ADRA1D: variants seen among roughly 807,000 people sequenced by gnomAD.
The protein encoded by ADRA1D is adrenoceptor alpha 1D.
ADRA1D carries 22 observed loss-of-function variants against 18.6 expected under a neutral mutation model. That is an observed-to-expected ratio of 1.19 (90% CI 0.85 to 1.69). The LOEUF is 1.69. Among genes scored for constraint, ADRA1D ranks in the 40% most tolerant of loss-of-function variants. ADRA1D has a pLI of 0.00. For missense variants in ADRA1D, 840 were observed against 840.7 expected, an observed-to-expected ratio of 1.00 and a Z score of 0.01; for synonymous variants, 376 against 388.2, an observed-to-expected ratio of 0.97 and a Z score of 0.37.
chr20:4,220,810 T>C lies in ADRA1D; in HGVS notation c.*713A>G, dbSNP rs1281749848. On this transcript the variant is annotated 3_prime_UTR_variant, in exon 2 of 2. Transcript: ENST00000379453. ...AAAATGACAAATAAAGCTCTCCAATTGGTGGCTTGGAATCCCAGCAAGAAG... is the reference window on the plus strand; with the variant it reads ...AAAATGACAAATAAAGCTCTCCAATCGGTGGCTTGGAATCCCAGCAAGAAG... 6.6e-6 allele frequency: 1 copy of C among 152,596 alleles called. No individual in the cohort carries two copies. Among genetic ancestry groups the C allele is most frequent in the Non-Finnish European group, 1.5e-5 (1 of 68,056 alleles). 9.5% of individuals were successfully genotyped at this position (152,596 alleles called of 1,614,324 possible).
intron 1 of ADRA1D, among the ~76,000 whole-genome samples, chr20:4,228,643 C>G (rs930328636): frequency 6.6e-6 from 1 of 152,236 alleles, no homozygotes; most frequent in Non-Finnish European, 1.5e-5. Flanking sequence ...CAGCCTGCCC[C>G]TTCTTCTCCA....
At chr20:4,224,696 G>C (rs1199897237) in intron 1 of ADRA1D, among the ~76,000 whole-genome samples, 1 of 138,790 alleles carries the variant, frequency 7.2e-6, no homozygotes, top group African/African-American at 2.7e-5. Context: ...GTGCCTGTGA[G>C]ACCAAGCAGG....
At chr20:4,230,854 T>A (rs1357224967) in intron 1 of ADRA1D, among the ~76,000 whole-genome samples, 2 of 152,162 alleles carry the variant, frequency 1.3e-5, no homozygotes, top group African/African-American at 4.8e-5. Context: ...CCTCCCCCAG[T>A]CCCTGCAGCC....
Position 4,248,717 on chromosome 20 carries a change from C to A in ADRA1D, c.241G>T (p.Val81Leu), listed in dbSNP as rs752437599. ...EPGSAGAGGDVNGTAAVGGLV... is the reference protein window; with the variant it reads ...EPGSAGAGGDLNGTAAVGGLV... ...CCCCCGACGGCCGCCGTGCCATTCA[C>A]GTCGCCGCCCGCGCCCGCGCTCCCC... Residue 81 changes from valine to leucine, a missense_variant, in exon 1 of 2, where the codon GTG becomes TTG. Val to Leu is a conservative substitution (Grantham distance 32). Transcript: ENST00000379453. The A allele has an allele frequency of 6.4e-7, 1 of 1,556,074 alleles. No homozygotes were observed. The highest frequency in any genetic ancestry group is 8.7e-7 in the Non-Finnish European group (1 of 1,150,784).
Position 4,248,691 on chromosome 20 carries a change from T to G in ADRA1D, c.267A>C (p.Gly89=). The G allele has an allele frequency of 1.3e-6, 2 of 1,580,406 alleles. No homozygotes were observed. Among genetic ancestry groups the G allele is most frequent in the Non-Finnish European group, 8.6e-7 (1 of 1,164,826 alleles). ...CCACGCCCTGCGCGCTCACCACCAG[T>G]CCCCCGACGGCCGCCGTGCCATTCA... ...GDVNGTAAVG[G]LVVSAQGVGV... The change falls in exon 1 of 2, where the codon GGA becomes GGC. Residue 89 remains glycine (G), a synonymous_variant. Coordinates refer to ENST00000379453, the MANE Select transcript of ADRA1D (RefSeq NM_000678.4).
In ADRA1D at chr20:4,248,369, C is replaced by T. The variant is rs1459862030; in HGVS notation, c.589G>A (p.Gly197Ser). 6.2e-7 allele frequency: 1 copy of T among 1,608,248 alleles called. No individual in the cohort carries two copies. Among genetic ancestry groups the T allele is most frequent in the Non-Finnish European group, 8.5e-7 (1 of 1,177,554 alleles). The part of the protein sequence containing the change: ...LCTISVDRYV[G>S]VRHSLKYPAI... ...GGGTACTTGAGTGAGTGGCGCACGCCCACGTACCGGTCCACGGAGATGGTG... is the reference window on the plus strand; with the variant it reads ...GGGTACTTGAGTGAGTGGCGCACGCTCACGTACCGGTCCACGGAGATGGTG... The change falls in exon 1 of 2, where the codon GGC (glycine) becomes AGC (serine). Residue 197 changes from glycine to serine, a missense_variant. Coordinates refer to ENST00000379453, the MANE Select transcript of ADRA1D (RefSeq NM_000678.4).
intron 1 of ADRA1D, among the ~76,000 whole-genome samples, chr20:4,233,063 AG>A (rs1476931731): frequency 4.6e-5 from 7 of 152,146 alleles, no homozygotes; most frequent in African/African-American, 1.7e-4. Context: ...GCTACTTGGG[AG>A]GCTGAGGCGA....
rs1186435528 is a variant in ADRA1D, at chr20:4,222,060, G to T, written c.1182C>A (p.Asn394Lys). 1 of 1,612,706 alleles carries T rather than the reference G, an allele frequency of 6.2e-7. No homozygotes were observed. The highest frequency in any genetic ancestry group is 8.5e-7 in the Non-Finnish European group (1 of 1,179,558). The change falls in exon 2 of 2, where the codon AAC becomes AAA. Residue 394 changes from asparagine (N) to lysine (K), a missense_variant. Transcript: ENST00000379453. The surrounding 1 kb of genome is among the most constrained non-coding windows in gnomAD (Gnocchi z 4.3). ...GGTAGATGAGCGGGTTCACGCAGCT[G>T]TTGAAGTAGCCGAGCCAGAAGATGA... ...FKVIFWLGYF[N>K]SCVNPLIYPC...
chr20:4,242,759 G>A (rs1361701141), intron 1 of ADRA1D, among the ~76,000 whole-genome samples: 2 of 152,128 alleles, frequency 1.3e-5, no homozygotes, highest in African/African-American at 2.4e-5. Context: ...TTTGGAAGGT[G>A]GAGGTCAGTG....
intron 1 of ADRA1D, 142 bp downstream of exon 1, chr20:4,247,705 C>T: frequency 1.0e-6 from 1 of 979,002 alleles, no homozygotes; most frequent in Non-Finnish European, 1.4e-6. Flanking sequence ...ATGGTGCATG[C>T]ACACCTGCCT....
chr20:4,233,267 C>T (rs190421975), intron 1 of ADRA1D, among the ~76,000 whole-genome samples: 1 of 152,156 alleles, frequency 6.6e-6, no homozygotes, highest in Admixed American at 6.5e-5. Context: ...TCCAGACTAG[C>T]CTGGGTAACA....
rs761040352 is a variant in ADRA1D, at chr20:4,248,687, C to T, written c.271G>A (p.Val91Met). 6.3e-7 allele frequency: 1 copy of T among 1,587,218 alleles called. No homozygotes were observed. The highest frequency in any genetic ancestry group is 1.8e-5 in the Admixed American group (1 of 55,806). ...VNGTAAVGGL[V>M]VSAQGVGVGV... ...ACGCCCACGCCCTGCGCGCTCACCA[C>T]CAGTCCCCCGACGGCCGCCGTGCCA... Residue 91 changes from valine (V) to methionine (M), a missense_variant, in exon 1 of 2, where the codon GTG (valine) becomes ATG (methionine). Physicochemically the swap from Val to Met is conservative, Grantham distance 21. Coordinates refer to ENST00000379453, the MANE Select transcript of ADRA1D (RefSeq NM_000678.4).
rs1179636232 is a variant in ADRA1D, at chr20:4,239,102, G to A, written c.1111+8745C>T. Among the ~76,000 whole-genome samples the A allele has an allele frequency of 6.6e-6, 1 of 152,062 alleles. No homozygotes were observed. Among genetic ancestry groups the A allele is most frequent in the Non-Finnish European group, 1.5e-5 (1 of 68,010 alleles). On this transcript the variant is annotated intron_variant, in intron 1 of 1. Coordinates refer to ENST00000379453, the MANE Select transcript of ADRA1D (RefSeq NM_000678.4). The surrounding 1 kb of genome is among the most constrained non-coding windows in gnomAD (Gnocchi z 4.9). ...AGAGTAAAATGGGCACATGGACCAG[G>A]GCATAGGCCTTGGAGGAGGGGAGGA...
At chr20:4,237,527 G>A (rs1452663149) in intron 1 of ADRA1D, among the ~76,000 whole-genome samples, 1 of 152,016 alleles carries the variant, frequency 6.6e-6, no homozygotes, top group Non-Finnish European at 1.5e-5. Flanking sequence ...CGGTGACAGT[G>A]CCAAGGCAGA....
chr20:4,224,606 T>TAGGGGGG (rs1980747823), intron 1 of ADRA1D, among the ~76,000 whole-genome samples: 11 of 148,404 alleles, frequency 7.4e-5, no homozygotes, highest in African/African-American at 2.1e-4. Flanking sequence ...GGGCCAGGGG[T>TAGGGGGG]GTTCCATCCT....
rs751502966 is a variant in ADRA1D, at chr20:4,221,627, C to T, written c.1615G>A (p.Val539Met). 1.2e-6 allele frequency: 2 copies of T among 1,613,216 alleles called. No homozygotes were observed. The highest frequency in any genetic ancestry group is 1.7e-5 in the Admixed American group (1 of 59,996). Residue 539 changes from valine to methionine, a missense_variant, in exon 2 of 2, where the codon GTG (valine) becomes ATG (methionine). Val to Met is a conservative substitution (Grantham distance 21). Coordinates refer to ENST00000379453, the MANE Select transcript of ADRA1D (RefSeq NM_000678.4). The stretch of plus-strand genomic sequence containing the variant: ...GGGACGCCTAGGGACACAGCCTCCA[C>T]CTCTGAGCGCTGGGCGCACGCTGCC... ...AEAACAQRSE[V>M]EAVSLGVPHE...
intron 1 of ADRA1D, among the ~76,000 whole-genome samples, chr20:4,244,930 G>C (rs1032824638): frequency 1.3e-5 from 2 of 152,230 alleles, no homozygotes; most frequent in African/African-American, 4.8e-5. Flanking sequence ...GGTGCCCTGA[G>C]AAGCCTGGTG....
intron 1 of ADRA1D, among the ~76,000 whole-genome samples, chr20:4,247,490 C>T (rs991782453): frequency 6.6e-6 from 1 of 152,184 alleles, no homozygotes; most frequent in African/African-American, 2.4e-5. Flanking sequence ...ACCCACCTCC[C>T]GGGAGGGGGA....
chr20:4,246,557 C>T (rs554042770), intron 1 of ADRA1D, among the ~76,000 whole-genome samples: 14 of 151,998 alleles, frequency 9.2e-5, no homozygotes, highest in South Asian at 4.2e-4. Context: ...AAGACCGTGA[C>T]GGCAGAGAGG....
Sources: gnomAD v4.1 joint callset for allele counts (sites outside exome capture counted in the v4.1 genomes callset) on GRCh38, gnomAD v4.1.1 for gene constraint, Gnocchi (gnomAD v3.1) non-coding constraint, MANE v1.5 for transcripts, NCBI Gene and HGNC (gene_info 2026-07-23, HGNC 2026-07-21) for gene names.